The following IL34 variants were observed in gnomAD, a reference collection of about 807,000 sequenced individuals.
The protein encoded by IL34 is interleukin 34.
Under a neutral mutation model 25.3 loss-of-function variants are expected in IL34, and 17 were observed. The observed-to-expected ratio is 0.67, with a 90% CI of 0.46 to 1.01. IL34 has a LOEUF of 1.01. Ranked by LOEUF, IL34 falls within the 50% of genes least tolerant of loss-of-function variation. The pLI, the probability that IL34 is intolerant of heterozygous loss-of-function variation, is 0.00. For synonymous variants in IL34, 174 were observed against 140.9 expected (o/e 1.23, Z -1.66); for missense variants, 368 against 312.9 (o/e 1.18, Z -1.33).
At chr16:70,619,023 C>T (rs933960334) in intron 1 of IL34, among the ~76,000 whole-genome samples, 12 of 152,048 alleles carry the variant, frequency 7.9e-5, no homozygotes, top group African/African-American at 2.7e-4. Context: ...GGGTTTGGCA[C>T]CACGGGGTGG....
intron 1 of IL34, among the ~76,000 whole-genome samples, chr16:70,619,757 G>A (rs932288621): frequency 8.5e-5 from 13 of 152,126 alleles, no homozygotes; most frequent in South Asian, 4.1e-4. Flanking sequence ...ATCTGGGAAG[G>A]AGTCAGTCAG....
intron 1 of IL34, among the ~76,000 whole-genome samples, chr16:70,635,209 A>C (rs2051614147): frequency 1.3e-5 from 2 of 152,178 alleles, no homozygotes; most frequent in Admixed American, 1.3e-4. Flanking sequence ...TCTCAAGGGT[A>C]ACGTGGAGGG....
upstream of IL34, among the ~76,000 whole-genome samples, chr16:70,646,142 T>A (rs534054527): frequency 6.6e-6 from 1 of 152,242 alleles, no homozygotes; most frequent in East Asian, 1.9e-4. Context: ...ACTCCTGGGC[T>A]CACGCAATCC....
chr16:70,624,887 C>G (rs181138593), intron 1 of IL34, among the ~76,000 whole-genome samples: 1 of 151,610 alleles, frequency 6.6e-6, no homozygotes, highest in Non-Finnish European at 1.5e-5. Flanking sequence ...GACTCAGTGA[C>G]GCTTGGGGTT....
chr16:70,581,623 T>C (rs994146123), intron 1 of IL34, among the ~76,000 whole-genome samples: 1 of 152,122 alleles, frequency 6.6e-6, no homozygotes, highest in African/African-American at 2.4e-5. Context: ...TTGAGATCTC[T>C]GGGATTTCTC....
chr16:70,611,414 CA>C (rs1036307968), intron 1 of IL34, among the ~76,000 whole-genome samples: 3 of 152,118 alleles, frequency 2.0e-5, no homozygotes, highest in African/African-American at 7.2e-5. Flanking sequence ...TCTACACCTG[CA>C]GGGGGGCCAC....
At position 70,641,420 on chromosome 16, in the gene IL34, G is replaced by A. The variant is rs562497116; in HGVS notation, c.-400-5128G>A. On this transcript the variant is annotated intron_variant, in intron 1 of 6. Coordinates refer to the IL34 transcript ENST00000429149. The stretch of plus-strand genomic sequence containing the variant: ...ATACTTAAAGAAGGTGAGCTTCACT[G>A]TCCATCAATTACACCTCAATAAGCC... Among the ~76,000 whole-genome samples, 465 of 152,218 alleles carry A rather than the reference G, an allele frequency of 3.1e-3. 1 individual carries two copies. The highest frequency in any genetic ancestry group is 0.011 in the African/African-American group (448 of 41,526).
At chr16:70,625,568 G>T (rs965549503) in intron 1 of IL34, among the ~76,000 whole-genome samples, 2 of 152,096 alleles carry the variant, frequency 1.3e-5, no homozygotes, top group Non-Finnish European at 2.9e-5. Context: ...TGCTGCTAAG[G>T]GTGAAGGACC....
Position 70,657,121 on chromosome 16 carries a change from G to A in IL34, c.402G>A (p.Thr134=), listed in dbSNP as rs371553529. ...TGCTGAATGTCCAGCAGGGCCTCAC[G>A]GTGAGTTGTGTGGAGGAGTGGCAGG... ...TLLLNVQQGL[T]DVEVSPKVES... The change falls in exon 4 of 6, where the codon ACG becomes ACA. Residue 134 remains threonine (T), a splice_region_variant and synonymous_variant. Transcript: ENST00000288098. 3.0e-5 allele frequency: 49 copies of A among 1,612,154 alleles called. No homozygotes were observed. Among genetic ancestry groups the A allele is most frequent in the African/African-American group, 1.1e-4 (8 of 74,840 alleles).
intron 1 of IL34, among the ~76,000 whole-genome samples, chr16:70,652,486 A>G (rs1318272956): frequency 6.6e-6 from 1 of 152,196 alleles, no homozygotes. Context: ...AAAATCTCCC[A>G]TAGAGATTTG....
At chr16:70,639,631 C>CTTGAGCCTGAG (rs35752828) in intron 1 of IL34, among the ~76,000 whole-genome samples, 1 of 151,668 alleles carries the variant, frequency 6.6e-6, no homozygotes, top group African/African-American at 2.4e-5. Flanking sequence ...TTGAGCTTGA[C>CTTGAGCCTGAG]CCTGTTCCCA....
At chr16:70,582,439 C>T (rs1019584639) in intron 1 of IL34, among the ~76,000 whole-genome samples, 14 of 152,268 alleles carry the variant, frequency 9.2e-5, no homozygotes, top group African/African-American at 3.1e-4. Context: ...GCAGAAGGAG[C>T]GTAGGCTCTG....
At chr16:70,638,368 A>T (rs1399892398) in intron 1 of IL34, among the ~76,000 whole-genome samples, 1 of 152,132 alleles carries the variant, frequency 6.6e-6, no homozygotes, top group Admixed American at 6.6e-5. Flanking sequence ...AGTCCCAGCA[A>T]CTTGGGAGAC....
intron 1 of IL34, among the ~76,000 whole-genome samples, chr16:70,611,842 T>TTAAATAAA (rs547858093): frequency 2.6e-4 from 39 of 151,434 alleles, no homozygotes; most frequent in Non-Finnish European, 3.4e-4. Flanking sequence ...AGACTCTGTC[T>TTAAATAAA]TAAATAAATA....
chr16:70,619,474 G>A (rs1403511147), intron 1 of IL34, among the ~76,000 whole-genome samples: 3 of 152,148 alleles, frequency 2.0e-5, no homozygotes, highest in Admixed American at 6.5e-5. Flanking sequence ...CTAAAAAGGA[G>A]TGCTTAAAAG....
At chr16:70,658,739 G>A (rs1597783817) in intron 4 of IL34, among the ~76,000 whole-genome samples, 2 of 152,118 alleles carry the variant, frequency 1.3e-5, no homozygotes, top group South Asian at 4.1e-4. Context: ...CCAAAGTGCT[G>A]GGATTACAGG....
chr16:70,652,791 G>T (rs2052112981), intron 1 of IL34, among the ~76,000 whole-genome samples: 2 of 152,186 alleles, frequency 1.3e-5, no homozygotes, highest in South Asian at 4.1e-4. Flanking sequence ...AGGCTTAGTG[G>T]TTTGAAGGGT....
chr16:70,631,945 C>G (rs33998678), intron 1 of IL34, among the ~76,000 whole-genome samples: 2 of 151,184 alleles, frequency 1.3e-5, no homozygotes, highest in African/African-American at 2.4e-5. Flanking sequence ...AATTATAATA[C>G]AAAAAATTAG....
chr16:70,597,642 C>T (rs2050843495), intron 1 of IL34, among the ~76,000 whole-genome samples: 1 of 152,338 alleles, frequency 6.6e-6, no homozygotes, highest in South Asian at 2.1e-4. Context: ...TTACAAAATG[C>T]AGCTGTTTAA....
Sources: gnomAD v4.1 joint callset for allele counts (sites outside exome capture counted in the v4.1 genomes callset) on GRCh38, gnomAD v4.1.1 for gene constraint, MANE v1.5 for transcripts, NCBI Gene and HGNC (gene_info 2026-07-23, HGNC 2026-07-21) for gene names.